RYR2: variants seen among roughly 807,000 people sequenced by gnomAD.
RYR2 encodes ryanodine receptor 2.
In RYR2, 227 loss-of-function variants were observed where a neutral mutation model predicts 601.1. That is an observed-to-expected ratio of 0.38 (90% CI 0.34 to 0.42). The LOEUF (loss-of-function observed/expected upper bound fraction) is 0.42, where lower values mean the gene tolerates loss of function less well. Ranked by LOEUF, RYR2 falls within the 10% of genes least tolerant of loss-of-function variation. RYR2 has a pLI of 1.00. For synonymous variants in RYR2, 2,223 were observed against 2,175.1 expected (o/e 1.02, Z -0.61); for missense variants, 4,646 against 6,156.5 (o/e 0.75, Z 8.21).
intron 12 of RYR2, among the ~76,000 whole-genome samples, chr1:237,424,804 G>T (rs995177465): frequency 6.6e-6 from 1 of 152,052 alleles, no homozygotes; most frequent in Admixed American, 6.6e-5. Flanking sequence ...CACAGCATAG[G>T]ATTGGCAGCA....
chr1:237,620,235 G>C (rs919042560), intron 38 of RYR2, among the ~76,000 whole-genome samples: 1 of 152,114 alleles, frequency 6.6e-6, no homozygotes, highest in Non-Finnish European at 1.5e-5. Context: ...AAGTCTACTG[G>C]TGTTGACATT....
At chr1:237,637,314 T>G (rs1680977137) in intron 44 of RYR2, among the ~76,000 whole-genome samples, 1 of 152,246 alleles carries the variant, frequency 6.6e-6, no homozygotes, top group African/African-American at 2.4e-5. Flanking sequence ...TTACTTCCAT[T>G]GATAATGACT....
chr1:237,580,155 C>CTTTTTTTTTTTT (rs58145628), intron 29 of RYR2, among the ~76,000 whole-genome samples: 10 of 116,626 alleles, frequency 8.6e-5, no homozygotes, highest in South Asian at 3.0e-4. Context: ...CACAACAATT[C>CTTTTTTTTTTTT]TTTTTTTTTT....
chr1:237,155,112 G>T (rs1199108573), intron 1 of RYR2, among the ~76,000 whole-genome samples: 1 of 151,260 alleles, frequency 6.6e-6, no homozygotes, highest in Non-Finnish European at 1.5e-5. Flanking sequence ...AGAGGGAAGT[G>T]AAATAAATTA....
chr1:237,782,339 A>G (rs917170775), intron 89 of RYR2, among the ~76,000 whole-genome samples: 4 of 152,138 alleles, frequency 2.6e-5, no homozygotes, highest in African/African-American at 4.8e-5. Flanking sequence ...CTCCTCTGCA[A>G]AATAGAAATG....
intron 29 of RYR2, among the ~76,000 whole-genome samples, chr1:237,585,179 G>C (rs931769276): frequency 6.6e-6 from 1 of 152,182 alleles, no homozygotes; most frequent in African/African-American, 2.4e-5. Flanking sequence ...TGTCTTCTCT[G>C]TAGTCATTTA....
intron 29 of RYR2, among the ~76,000 whole-genome samples, chr1:237,582,979 T>A (rs970503221): frequency 6.6e-6 from 1 of 151,754 alleles, no homozygotes; most frequent in African/African-American, 2.4e-5. Flanking sequence ...GTAGTTCTGT[T>A]TTAAGTTCTT....
At chr1:237,617,263 G>A (rs746874040) in intron 37 of RYR2, 23 bp from the exon 38 acceptor site, 1 of 1,571,172 alleles carries the variant, frequency 6.4e-7, no homozygotes, top group Non-Finnish European at 8.7e-7. Flanking sequence ...ATTAAATTTG[G>A]TGTCTTTTTA....
intron 12 of RYR2, among the ~76,000 whole-genome samples, chr1:237,436,453 C>CA (rs1491092540): frequency 5.4e-5 from 3 of 55,828 alleles, no homozygotes; most frequent in Non-Finnish European, 3.1e-5. Flanking sequence ...GTGTGATTTT[C>CA]CTTTTTTTTT....
chr1:237,710,044 C>T (rs184051715), intron 70 of RYR2, among the ~76,000 whole-genome samples: 10 of 152,280 alleles, frequency 6.6e-5, no homozygotes, highest in Admixed American at 2.0e-4. Context: ...TAAAATAAAG[C>T]TTCTTTCTAC....
chr1:237,092,395 T>C (rs1667054590), intron 1 of RYR2, among the ~76,000 whole-genome samples: 1 of 152,184 alleles, frequency 6.6e-6, no homozygotes, highest in African/African-American at 2.4e-5. Context: ...TGGTGTTTGC[T>C]CTTATGTGAC....
At chr1:237,744,390 T>C (rs1224680293) in intron 80 of RYR2, among the ~76,000 whole-genome samples, 1 of 151,292 alleles carries the variant, frequency 6.6e-6, no homozygotes, top group Non-Finnish European at 1.5e-5. Flanking sequence ...GTGCAGAGGC[T>C]TACGCTTGTA....
At chr1:237,688,400 GTATATATATATACA>G (rs1558222796) in intron 63 of RYR2, among the ~76,000 whole-genome samples, 1 of 151,178 alleles carries the variant, frequency 6.6e-6, no homozygotes, top group Non-Finnish European at 1.5e-5. Flanking sequence ...TGAGGAACGG[GTATATATATATACA>G]TATATATATA....
chr1:237,590,341 G>A (rs532111740), intron 30 of RYR2, among the ~76,000 whole-genome samples: 25 of 151,992 alleles, frequency 1.6e-4, no homozygotes, highest in Admixed American at 1.1e-3. Context: ...TATTAGTTAC[G>A]TTACAAGTAG....
At chr1:237,488,772 C>T (rs1487740793) in intron 17 of RYR2, among the ~76,000 whole-genome samples, 3 of 152,146 alleles carry the variant, frequency 2.0e-5, no homozygotes, top group Non-Finnish European at 4.4e-5. Flanking sequence ...CCTATAAGAA[C>T]TAATGATAAT....
intron 1 of RYR2, among the ~76,000 whole-genome samples, chr1:237,136,329 C>T (rs1246969229): frequency 1.3e-5 from 2 of 152,112 alleles, no homozygotes; most frequent in African/African-American, 4.8e-5. Context: ...GCTGAATAAC[C>T]CTGGGTTATT....
chr1:237,052,274 T>A (rs1661375611), intron 1 of RYR2, among the ~76,000 whole-genome samples: 1 of 152,116 alleles, frequency 6.6e-6, no homozygotes, highest in Non-Finnish European at 1.5e-5. Flanking sequence ...TCTAGGGGGA[T>A]TGTGTCCTGT....
intron 63 of RYR2, among the ~76,000 whole-genome samples, chr1:237,697,196 G>C (rs2149014413): frequency 5.9e-5 from 1 of 16,824 alleles, no homozygotes; most frequent in African/African-American, 6.4e-5. Flanking sequence ...CCTGTACCTG[G>C]ATCTCCTTCT....
intron 1 of RYR2, among the ~76,000 whole-genome samples, chr1:237,073,044 C>G (rs902582115): frequency 3.3e-5 from 5 of 152,022 alleles, no homozygotes; most frequent in African/African-American, 1.2e-4. Flanking sequence ...TATCTTCGCC[C>G]CACCGCACGC....
Sources: allele counts gnomAD v4.1 joint callset (sites outside exome capture counted in the v4.1 genomes callset), GRCh38; gene constraint gnomAD v4.1.1; transcripts MANE v1.5; gene names NCBI Gene and HGNC (gene_info 2026-07-23, HGNC 2026-07-21).